TPH2: variants seen among roughly 807,000 people sequenced by gnomAD.
TPH2 encodes the protein tryptophan hydroxylase 2.
A neutral mutation model predicts 59.1 loss-of-function variants in TPH2; 27 were observed. The observed-to-expected ratio is 0.46, with a 90% CI of 0.34 to 0.63. The LOEUF is 0.63. Ranked by LOEUF, TPH2 falls within the 30% of genes least tolerant of loss-of-function variation. TPH2 has a pLI of 0.01. For missense variants in TPH2, 523 were observed against 588.3 expected (o/e 0.89, Z 1.15); for synonymous variants, 220 against 210.5 (o/e 1.05, Z -0.39).
At chr12:72,010,865 T>C (rs914985768) in intron 8 of TPH2, among the ~76,000 whole-genome samples, 2 of 152,230 alleles carry the variant, frequency 1.3e-5, no homozygotes, top group African/African-American at 4.8e-5. Flanking sequence ...TTTTAGGGCA[T>C]GCCAAAGGAT....
intron 8 of TPH2, among the ~76,000 whole-genome samples, chr12:72,003,636 C>A (rs1872879671): frequency 6.6e-6 from 1 of 152,100 alleles, no homozygotes; most frequent in Non-Finnish European, 1.5e-5. Context: ...TATTGTAGCC[C>A]AGGCTGTTTT....
chr12:71,956,711 G>A (rs574727055), intron 5 of TPH2, among the ~76,000 whole-genome samples: 9 of 151,976 alleles, frequency 5.9e-5, no homozygotes, highest in Non-Finnish European at 1.0e-4. Context: ...TCGGGCTCAG[G>A]TGATCCTCCT....
intron 9 of TPH2, among the ~76,000 whole-genome samples, chr12:72,025,425 G>C (rs1873541103): frequency 6.6e-6 from 1 of 152,140 alleles, no homozygotes; most frequent in South Asian, 2.1e-4. Flanking sequence ...AAATTTTCCT[G>C]AGACATAGAT....
intron 8 of TPH2, among the ~76,000 whole-genome samples, chr12:71,998,330 G>A (rs905515639): frequency 1.3e-5 from 2 of 152,120 alleles, no homozygotes; most frequent in Non-Finnish European, 2.9e-5. Flanking sequence ...AAATTTGGAA[G>A]GATTTTTCTG....
At chr12:71,962,220 G>A in intron 5 of TPH2, 1 of 985,834 alleles carries the variant, frequency 1.0e-6, no homozygotes, top group Non-Finnish European at 1.2e-6. Context: ...CATTTAGATG[G>A]TTGTTAAGTT....
intron 4 of TPH2, among the ~76,000 whole-genome samples, chr12:71,948,102 C>T (rs1871245290): frequency 1.3e-5 from 2 of 152,116 alleles, no homozygotes; most frequent in South Asian, 4.1e-4. Flanking sequence ...CTACCCTCTC[C>T]AGCAGGAGAC....
chr12:71,968,467 A>G (rs1871877639), intron 5 of TPH2, among the ~76,000 whole-genome samples: 1 of 152,140 alleles, frequency 6.6e-6, no homozygotes, highest in Admixed American at 6.5e-5. Flanking sequence ...ATTTCAGAGG[A>G]CGTATGTCCA....
At position 71,941,653 on chromosome 12, in the gene TPH2, A is replaced by C; in HGVS notation, c.175A>C (p.Thr59Pro). ...GGGAAGCAGCAAACGTGAAGCTGCT[A>C]CCGAAAGTGGCAAGACAGCAGTTGT... ...NKGSSKREAA[T>P]ESGKTAVVFS... The change falls in exon 2 of 11, where the codon ACC (threonine) becomes CCC (proline). Residue 59 changes from threonine to proline, a missense_variant. Transcript: ENST00000333850. 1 of 1,614,122 alleles carries C rather than the reference A, an allele frequency of 6.2e-7. No homozygotes were observed. The highest frequency in any genetic ancestry group is 8.5e-7 in the Non-Finnish European group (1 of 1,179,980).
chr12:71,964,439 T>G, intron 5 of TPH2: 3 of 924,676 alleles, frequency 3.2e-6, no homozygotes, highest in Non-Finnish European at 3.9e-6. Context: ...CACGCCACCA[T>G]GCCCGGTTAA....
chr12:72,029,668 C>G (rs996267267), intron 9 of TPH2, among the ~76,000 whole-genome samples: 7 of 152,092 alleles, frequency 4.6e-5, no homozygotes, highest in Non-Finnish European at 8.8e-5. Context: ...TGAAGTTGTT[C>G]TGTGGGCCAA....
At chr12:71,981,301 T>TA (rs1434076699) in intron 7 of TPH2, among the ~76,000 whole-genome samples, 1 of 152,226 alleles carries the variant, frequency 6.6e-6, no homozygotes, top group Admixed American at 6.5e-5. Flanking sequence ...GGCCATGTTA[T>TA]AAATGACCAT....
At chr12:71,946,620 GA>G (rs2139181058) in intron 4 of TPH2, among the ~76,000 whole-genome samples, 1 of 152,232 alleles carries the variant, frequency 6.6e-6, no homozygotes, top group African/African-American at 2.4e-5. Context: ...TCATTATACA[GA>G]ATGTGATATT....
intron 5 of TPH2, among the ~76,000 whole-genome samples, chr12:71,949,883 A>C (rs536368408): frequency 6.6e-6 from 1 of 151,732 alleles, no homozygotes; most frequent in South Asian, 2.1e-4. Flanking sequence ...CTACGTTTAC[A>C]CCATTGTTTC....
At chr12:72,004,151 G>A (rs1256803085) in intron 8 of TPH2, among the ~76,000 whole-genome samples, 1 of 150,498 alleles carries the variant, frequency 6.6e-6, no homozygotes, top group Non-Finnish European at 1.5e-5. Context: ...GTGGTGCAAT[G>A]TGGTGAAAAG....
intron 2 of TPH2, among the ~76,000 whole-genome samples, chr12:71,943,974 A>T (rs1871137292): frequency 6.6e-6 from 1 of 152,004 alleles, no homozygotes; most frequent in Non-Finnish European, 1.5e-5. Context: ...TTCCCCAAAT[A>T]ATCACGTGCC....
At chr12:72,023,559 T>G (rs1470749291) in intron 9 of TPH2, among the ~76,000 whole-genome samples, 3 of 152,014 alleles carry the variant, frequency 2.0e-5, no homozygotes, top group African/African-American at 7.2e-5. Flanking sequence ...GCCAGGTGCA[T>G]TGGCTCATGC....
At chr12:71,959,154 G>A (rs775930073) in intron 5 of TPH2, among the ~76,000 whole-genome samples, 1 of 151,346 alleles carries the variant, frequency 6.6e-6, no homozygotes, top group Non-Finnish European at 1.5e-5. Flanking sequence ...ATTCAGTACT[G>A]TGCAGTGCAT....
At chr12:71,975,752 A>G (rs1368336002) in intron 6 of TPH2, among the ~76,000 whole-genome samples, 2 of 152,174 alleles carry the variant, frequency 1.3e-5, no homozygotes, top group African/African-American at 4.8e-5. Flanking sequence ...ATCATCTACT[A>G]TATTTGTTAC....
At chr12:72,022,612 G>A in intron 9 of TPH2, 118 bp downstream of exon 9, 9 of 896,722 alleles carry the variant, frequency 1.0e-5, no homozygotes, top group Non-Finnish European at 1.6e-5. Flanking sequence ...ATTTAACATA[G>A]AGGATTTGGC....
Sources: gnomAD v4.1 joint callset for allele counts (sites outside exome capture counted in the v4.1 genomes callset) on GRCh38, gnomAD v4.1.1 for gene constraint, MANE v1.5 for transcripts, NCBI Gene and HGNC (gene_info 2026-07-23, HGNC 2026-07-21) for gene names.